The following CRB1 variants were observed in gnomAD, a reference collection of about 807,000 sequenced individuals.
CRB1 encodes crumbs cell polarity complex component 1.
CRB1 carries 83 observed loss-of-function variants against 120.0 expected under a neutral mutation model. The observed-to-expected ratio is 0.69, with a 90% CI of 0.58 to 0.83. The LOEUF (loss-of-function observed/expected upper bound fraction) is 0.83. Ranked by LOEUF, CRB1 falls within the 40% of genes least tolerant of loss-of-function variation. The probability of loss-of-function intolerance (pLI) is 0.00; values close to 1 mark genes in which losing one functional copy is unlikely to be tolerated. For missense variants in CRB1, 1,699 were observed against 1,687.6 expected (o/e 1.01, Z -0.12); for synonymous variants, 625 against 612.5 (o/e 1.02, Z -0.30).
At chr1:197,353,497 T>C (rs1660224993) in intron 4 of CRB1, among the ~76,000 whole-genome samples, 1 of 152,200 alleles carries the variant, frequency 6.6e-6, no homozygotes, top group Non-Finnish European at 1.5e-5. Flanking sequence ...TAGGCGACTG[T>C]GAAGTTGAAT....
chr1:197,457,401 G>T (rs1287310241), intron 11 of CRB1, among the ~76,000 whole-genome samples: 1 of 151,954 alleles, frequency 6.6e-6, no homozygotes, highest in Admixed American at 6.6e-5. Flanking sequence ...CTTTTCCAAG[G>T]CTCTCCAATT....
intron 2 of CRB1, among the ~76,000 whole-genome samples, chr1:197,329,766 TG>T (rs1558058157): frequency 6.6e-6 from 1 of 152,198 alleles, no homozygotes; most frequent in African/African-American, 2.4e-5. Flanking sequence ...TCCATTTACT[TG>T]TAAGGGGGTA....
At position 197,457,441 on chromosome 1, in the gene CRB1, G is replaced by A. The variant is rs569487719; in HGVS notation, c.4005+15149G>A. 7.9e-5 allele frequency among the ~76,000 whole-genome samples: 12 copies of A among 152,156 alleles called. No individual in the cohort carries two copies. The South Asian group carries it at 8.3e-4, about 11-fold the overall frequency. ...AGTTGGAGCCACGCTTTCAGATCCCGGAGCATCTGCATCTATTACCAATTA... is the reference window on the plus strand; with the variant it reads ...AGTTGGAGCCACGCTTTCAGATCCCAGAGCATCTGCATCTATTACCAATTA... On this transcript the variant is annotated intron_variant, in intron 11 of 11. Coordinates refer to ENST00000367400, the MANE Select transcript of CRB1 (RefSeq NM_201253.3).
At chr1:197,291,484 T>C (rs1656180089) in intron 1 of CRB1, among the ~76,000 whole-genome samples, 1 of 151,892 alleles carries the variant, frequency 6.6e-6, no homozygotes, top group Non-Finnish European at 1.5e-5. Context: ...TCAAAGTAGC[T>C]TCAAATTACT....
intron 4 of CRB1, among the ~76,000 whole-genome samples, chr1:197,354,817 GCCCCCCCACCC>G (rs1558076219): frequency 0.09 from 1,762 of 19,528 alleles, 96 homozygotes; most frequent in Non-Finnish European, 0.11. Flanking sequence ...TCTGCCCCCC[GCCCCCCCACCC>G]CCCCCCCCCG....
the CRB1 span, chr1:197,222,750 TTGCTCTTTCTTTCTGAACTCCAAG>T: frequency 1.0e-6 from 1 of 972,296 alleles, no homozygotes. Flanking sequence ...TGGAGTTGAC[TTGCTCTTTCTTTCTGAACTCCAAG>T]TGCTACATGA....
At chr1:197,257,225 G>A in the CRB1 span, among the ~76,000 whole-genome samples, 2 of 152,250 alleles carry the variant, frequency 1.3e-5, no homozygotes, top group Middle Eastern at 3.4e-3. Context: ...ATCAAGAAGA[G>A]AGAGGAAAAT....
At chr1:197,441,860 A>G (rs1177239481) in intron 10 of CRB1, 7 of 379,246 alleles carry the variant, frequency 1.8e-5, no homozygotes, top group Non-Finnish European at 3.5e-5. Context: ...GCTCTTGAGC[A>G]TTGACACTGG....
At chr1:197,470,142 T>C (rs1232575320) in intron 11 of CRB1, among the ~76,000 whole-genome samples, 1 of 152,208 alleles carries the variant, frequency 6.6e-6, no homozygotes, top group Non-Finnish European at 1.5e-5. Flanking sequence ...TTCTGCCAAG[T>C]GGCAGTCTGC....
At chr1:197,348,199 G>A (rs1053901012) in intron 4 of CRB1, among the ~76,000 whole-genome samples, 8 of 152,184 alleles carry the variant, frequency 5.3e-5, no homozygotes, top group Non-Finnish European at 8.8e-5. Context: ...TAACATTGTA[G>A]TATCACTCAC....
the CRB1 span, among the ~76,000 whole-genome samples, chr1:197,241,416 T>C: frequency 2.0e-5 from 3 of 152,228 alleles, no homozygotes; most frequent in Non-Finnish European, 1.5e-5. Context: ...GTTTTCTGCA[T>C]ATGCCTAGTG....
chr1:197,202,528 C>A, the CRB1 span, among the ~76,000 whole-genome samples: 1 of 152,018 alleles, frequency 6.6e-6, no homozygotes, highest in Non-Finnish European at 1.5e-5. Context: ...TCAAAAATAA[C>A]TAAGCAGATT....
At chr1:197,440,445 T>C (rs1292107348) in intron 10 of CRB1, 2 of 152,236 alleles carry the variant, frequency 1.3e-5, no homozygotes, top group Non-Finnish European at 1.5e-5. Flanking sequence ...GCTAGATATT[T>C]CTAAAACATT....
At chr1:197,292,169 A>G (rs918719327) in intron 1 of CRB1, among the ~76,000 whole-genome samples, 1 of 152,134 alleles carries the variant, frequency 6.6e-6, no homozygotes, top group East Asian at 1.9e-4. Context: ...ATAGACCGCT[A>G]GCAAGACTAA....
chr1:197,202,053 G>A, the CRB1 span, among the ~76,000 whole-genome samples: 15 of 152,126 alleles, frequency 9.9e-5, no homozygotes, highest in Non-Finnish European at 1.5e-5. Flanking sequence ...ATTATGAAGC[G>A]CAAGGTCCTA....
chr1:197,303,644 C>T (rs960756150), intron 1 of CRB1, among the ~76,000 whole-genome samples: 5 of 152,008 alleles, frequency 3.3e-5, no homozygotes, highest in Middle Eastern at 6.8e-3. Flanking sequence ...AGCGACTTGT[C>T]CTAGCTAGAT....
chr1:197,423,464 A>C (rs142840327), intron 6 of CRB1, among the ~76,000 whole-genome samples: 23 of 152,318 alleles, frequency 1.5e-4, no homozygotes, highest in African/African-American at 5.5e-4. Flanking sequence ...GTTCTGTGAA[A>C]TCTTTTCTTT....
At chr1:197,210,451 T>A in the CRB1 span, among the ~76,000 whole-genome samples, 1 of 152,176 alleles carries the variant, frequency 6.6e-6, no homozygotes, top group Non-Finnish European at 1.5e-5. Context: ...AACTGAGTTT[T>A]CAGCTTGCTG....
chr1:197,236,830 A>C, the CRB1 span, among the ~76,000 whole-genome samples: 3 of 152,328 alleles, frequency 2.0e-5, no homozygotes, highest in East Asian at 5.8e-4. Context: ...GCTAATGTTG[A>C]ACCAGGCTTG....
Sources: allele counts gnomAD v4.1 joint callset (sites outside exome capture counted in the v4.1 genomes callset), GRCh38; gene constraint gnomAD v4.1.1; transcripts MANE v1.5; gene names NCBI Gene and HGNC (gene_info 2026-07-23, HGNC 2026-07-21).